Variants in SLCO1C1 observed in about 807,000 individuals in gnomAD.
SLCO1C1 encodes OAT-RP-5.
In SLCO1C1, 70 loss-of-function variants were observed where a neutral mutation model predicts 76.4. The ratio of observed to expected loss-of-function variants is 0.92; its 90% CI spans 0.76 to 1.12. The LOEUF (loss-of-function observed/expected upper bound fraction) is 1.12, where lower values mean the gene tolerates loss of function less well. SLCO1C1 is among the 50% of genes most tolerant of loss of function. SLCO1C1 has a pLI of 0.00. For missense variants in SLCO1C1, 912 were observed against 823.8 expected (o/e 1.11, Z -1.31); for synonymous variants, 306 against 286.1 (o/e 1.07, Z -0.70).
intron 9 of SLCO1C1, among the ~76,000 whole-genome samples, chr12:20,732,663 G>T (rs907025573): frequency 6.6e-6 from 1 of 152,148 alleles, no homozygotes; most frequent in Non-Finnish European, 1.5e-5. Flanking sequence ...AGACCAGAAA[G>T]ATTTATTGAT....
At chr12:20,751,634 C>CA (rs1565553421) in intron 14 of SLCO1C1, among the ~76,000 whole-genome samples, 1 of 152,092 alleles carries the variant, frequency 6.6e-6, no homozygotes, top group Non-Finnish European at 1.5e-5. Context: ...AGTATTTCCT[C>CA]ACATTTTTGC....
At chr12:20,718,833 G>C (rs530483697) in intron 7 of SLCO1C1, among the ~76,000 whole-genome samples, 1 of 152,222 alleles carries the variant, frequency 6.6e-6, no homozygotes, top group East Asian at 1.9e-4. Context: ...CCGGAATTTA[G>C]ACTATATTTT....
At chr12:20,699,939 A>G (rs1946444361) in intron 2 of SLCO1C1, 3 of 360,214 alleles carry the variant, frequency 8.3e-6, no homozygotes, top group Non-Finnish European at 1.5e-5. Context: ...GAAAAGAGAG[A>G]AATAGTAGAA....
In SLCO1C1 at chr12:20,732,890, T is replaced by C. The variant is rs1442077613; in HGVS notation, c.1187-19T>C. 3 of 1,612,052 alleles carry C rather than the reference T, an allele frequency of 1.9e-6. No individual in the cohort carries two copies. Among genetic ancestry groups the C allele is most frequent in the East Asian group, 2.2e-5 (1 of 44,852 alleles). On this transcript the variant is annotated intron_variant, in intron 9 of 14. Coordinates refer to ENST00000266509, the MANE Select transcript of SLCO1C1 (RefSeq NM_017435.5). ...TTTTTTAGAGATTCACAAAATGATATATTTTTCTTGTTTCTCAGGGCTCAT... is the reference window on the plus strand; with the variant it reads ...TTTTTTAGAGATTCACAAAATGATACATTTTTCTTGTTTCTCAGGGCTCAT...
At chr12:20,701,197 A>G in intron 2 of SLCO1C1, 121 bp from the exon 3 acceptor site, 2 of 1,018,762 alleles carry the variant, frequency 2.0e-6, no homozygotes, top group Non-Finnish European at 2.6e-6. Context: ...TTCAGTGATA[A>G]TAAAGTTGAT....
rs1565541515 is a variant in SLCO1C1 at position 20,740,775 on chromosome 12, A to ATT, written c.1733+407_1733+408insTT. Among the ~76,000 whole-genome samples the ATT allele has an allele frequency of 4.8e-5, 5 of 103,666 alleles. 1 individual carries two copies. The South Asian group carries it at 1.0e-3, about 22-fold the overall frequency. 68.0% of individuals were successfully genotyped at this position (103,666 alleles called of 152,430 possible). A position where few individuals can be genotyped will look rare whatever the true frequency, so the allele number is the denominator to read the frequency against. On this transcript the variant is annotated intron_variant, in intron 12 of 14. Coordinates refer to ENST00000266509, the MANE Select transcript of SLCO1C1 (RefSeq NM_017435.5). ...GGCTCATCTAATACAACAATGTTAG[A>ATT]ATTTATTTTATTTATATATATATAT... is the stretch of plus-strand genomic sequence containing the variant.
At chr12:20,727,760 C>T (rs1442221543) in intron 9 of SLCO1C1, among the ~76,000 whole-genome samples, 2 of 152,178 alleles carry the variant, frequency 1.3e-5, no homozygotes, top group Admixed American at 6.5e-5. Context: ...CTGCCCGCCT[C>T]GGCCTCCCAA....
chr12:20,733,169 GT>G (rs2120829971), intron 10 of SLCO1C1, 65 bp downstream of exon 10: 1 of 1,417,808 alleles, frequency 7.1e-7, no homozygotes, highest in African/African-American at 1.5e-5. Context: ...TATTGGTGGA[GT>G]TGCAAAAAAG....
At chr12:20,741,788 T>C (rs1321001522) in intron 12 of SLCO1C1, among the ~76,000 whole-genome samples, 5 of 152,168 alleles carry the variant, frequency 3.3e-5, no homozygotes, top group Non-Finnish European at 7.4e-5. Context: ...AATATTTCTA[T>C]TGTACAACTG....
intron 11 of SLCO1C1, among the ~76,000 whole-genome samples, chr12:20,738,590 A>G (rs1218911213): frequency 1.3e-5 from 2 of 152,124 alleles, no homozygotes; most frequent in Non-Finnish European, 2.9e-5. Context: ...CATCTGAAAC[A>G]TGTTTTCATG....
chr12:20,744,763 C>T (rs890622150), intron 13 of SLCO1C1, among the ~76,000 whole-genome samples: 1 of 152,078 alleles, frequency 6.6e-6, no homozygotes, highest in African/African-American at 2.4e-5. Flanking sequence ...AATATCTTTA[C>T]TTCTAAGAAT....
intron 12 of SLCO1C1, among the ~76,000 whole-genome samples, 168 bp downstream of exon 12, chr12:20,740,536 A>G (rs1948754670): frequency 6.6e-6 from 1 of 151,766 alleles, no homozygotes; most frequent in South Asian, 2.1e-4. Flanking sequence ...TATTTATACA[A>G]AAATGTGGCT....
At position 20,722,041 on chromosome 12, in the gene SLCO1C1, T is replaced by C. The variant is rs754226797; in HGVS notation, c.1013T>C (p.Met338Thr). ...PQGENAKIME[M>T]ARDFLPSLKN... ...GGAGAAAATGCAAAAATAATGGAAA[T>C]GGCAAGAGGTAAGTCAAATTCTTGA... The change falls in exon 8 of 15, where the codon ATG becomes ACG. Residue 338 changes from methionine to threonine, a missense_variant. Met to Thr is a moderately conservative substitution (Grantham distance 81). Coordinates refer to ENST00000266509, the MANE Select transcript of SLCO1C1 (RefSeq NM_017435.5). 13 of 1,612,556 alleles carry C rather than the reference T, an allele frequency of 8.1e-6. No individual in the cohort carries two copies. Among genetic ancestry groups the C allele is most frequent in the East Asian group, 2.2e-5 (1 of 44,868 alleles).
chr12:20,697,396 CA>C (rs1283584823), intron 1 of SLCO1C1: 1 of 151,958 alleles, frequency 6.6e-6, no homozygotes, highest in East Asian at 1.9e-4. Flanking sequence ...TCTTGCTTGG[CA>C]ATATTTTTAC....
At chr12:20,735,697 T>C (rs1948504429) in intron 10 of SLCO1C1, among the ~76,000 whole-genome samples, 1 of 152,194 alleles carries the variant, frequency 6.6e-6, no homozygotes, top group East Asian at 1.9e-4. Context: ...AAATTCATCA[T>C]ACCAGTTCTA....
chr12:20,739,392 T>C (rs974792970), intron 11 of SLCO1C1, among the ~76,000 whole-genome samples: 2 of 152,106 alleles, frequency 1.3e-5, no homozygotes, highest in East Asian at 3.9e-4. Flanking sequence ...GGAGTTGTTT[T>C]TTTTTGTTTT....
At chr12:20,701,501 T>C (rs61921513) in intron 3 of SLCO1C1, 42 bp downstream of exon 3, 53 of 1,413,158 alleles carry the variant, frequency 3.8e-5, no homozygotes, top group Non-Finnish European at 4.8e-5. Context: ...AAGCCCAAGA[T>C]CTTCTAGGTG....
intron 13 of SLCO1C1, among the ~76,000 whole-genome samples, chr12:20,748,163 G>A (rs540117019): frequency 6.9e-4 from 105 of 152,168 alleles, no homozygotes; most frequent in African/African-American, 2.4e-3. Flanking sequence ...ACCAAACAAG[G>A]TCCACAATTG....
chr12:20,727,871 GTTA>G (rs1195977150), intron 9 of SLCO1C1, among the ~76,000 whole-genome samples: 1 of 152,136 alleles, frequency 6.6e-6, no homozygotes, highest in African/African-American at 2.4e-5. Context: ...GGGGTTATAT[GTTA>G]TTTTCTTGTT....
Sources: gnomAD v4.1 joint callset for allele counts (sites outside exome capture counted in the v4.1 genomes callset) on GRCh38, gnomAD v4.1.1 for gene constraint, MANE v1.5 for transcripts, NCBI Gene and HGNC (gene_info 2026-07-23, HGNC 2026-07-21) for gene names.